Variants in RPS6KC1 observed in about 807,000 individuals in gnomAD.
RPS6KC1 encodes ribosomal protein S6 kinase C1.
RPS6KC1 carries 54 observed loss-of-function variants against 103.8 expected under a neutral mutation model. The ratio of observed to expected loss-of-function variants is 0.52; its 90% CI spans 0.42 to 0.65. The LOEUF is 0.65. Among genes scored for constraint, RPS6KC1 ranks in the 30% least tolerant of loss-of-function variants. The pLI is 0.00. For synonymous variants in RPS6KC1, 439 were observed against 438.7 expected, an observed-to-expected ratio of 1.00 and a Z score of -0.01; for missense variants, 1,151 against 1,253.8, an observed-to-expected ratio of 0.92 and a Z score of 1.24.
At chr1:213,331,402 G>T in the RPS6KC1 span, among the ~76,000 whole-genome samples, 2 of 152,228 alleles carry the variant, frequency 1.3e-5, no homozygotes. Flanking sequence ...AAATAGTATG[G>T]TAAGAGTATT....
the RPS6KC1 span, among the ~76,000 whole-genome samples, chr1:213,555,257 G>A: frequency 6.6e-6 from 1 of 152,166 alleles, no homozygotes; most frequent in Non-Finnish European, 1.5e-5. Flanking sequence ...AACAAACTAG[G>A]GCCCCATTTC....
chr1:213,113,960 T>C (rs2083302331), intron 4 of RPS6KC1, among the ~76,000 whole-genome samples: 1 of 152,194 alleles, frequency 6.6e-6, no homozygotes, highest in African/African-American at 2.4e-5. Context: ...TTGGTTACTG[T>C]AGCCTTGTAG....
intron 1 of RPS6KC1, among the ~76,000 whole-genome samples, chr1:213,064,676 C>CTTTTTTT (rs34472724): frequency 1.9e-5 from 2 of 104,878 alleles, no homozygotes; most frequent in Non-Finnish European, 3.6e-5. Context: ...CCTTTGTGAA[C>CTTTTTTT]TTTTTTTTTT....
chr1:213,505,319 G>T, the RPS6KC1 span, among the ~76,000 whole-genome samples: 1 of 152,100 alleles, frequency 6.6e-6, no homozygotes, highest in Non-Finnish European at 1.5e-5. Context: ...TGAATCTCTG[G>T]CCAAAGGACC....
chr1:213,082,811 G>T (rs770803453), intron 3 of RPS6KC1, among the ~76,000 whole-genome samples: 1 of 152,116 alleles, frequency 6.6e-6, no homozygotes, highest in Admixed American at 6.6e-5. Context: ...CTAAAATTAA[G>T]AAATGACTTC....
At chr1:213,215,945 T>C (rs998127844) in intron 8 of RPS6KC1, among the ~76,000 whole-genome samples, 5 of 152,110 alleles carry the variant, frequency 3.3e-5, no homozygotes, top group African/African-American at 9.7e-5. Flanking sequence ...TGAAGACCAT[T>C]GAGGCTAGGA....
At chr1:213,218,056 T>C (rs1025976705) in intron 8 of RPS6KC1, among the ~76,000 whole-genome samples, 1 of 152,184 alleles carries the variant, frequency 6.6e-6, no homozygotes, top group Non-Finnish European at 1.5e-5. Flanking sequence ...ATAAAGGGTA[T>C]TCAATTAGGA....
chr1:213,410,959 T>C, the RPS6KC1 span, among the ~76,000 whole-genome samples: 2 of 151,752 alleles, frequency 1.3e-5, no homozygotes, highest in Admixed American at 6.6e-5. Flanking sequence ...GGAATGGAGA[T>C]GGTCAAGGGA....
At chr1:213,055,006 T>C (rs977664457) in intron 1 of RPS6KC1, among the ~76,000 whole-genome samples, 3 of 152,242 alleles carry the variant, frequency 2.0e-5, no homozygotes, top group African/African-American at 7.2e-5. Flanking sequence ...CTTGCCTGTA[T>C]TCTTTCCATG....
At chr1:213,458,438 T>C in the RPS6KC1 span, among the ~76,000 whole-genome samples, 774 of 152,306 alleles carry the variant, frequency 5.1e-3, 8 homozygotes, top group African/African-American at 0.017. Context: ...TTTTTGCTAT[T>C]GTGAATAGCA....
the RPS6KC1 span, among the ~76,000 whole-genome samples, chr1:213,626,930 A>G: frequency 7.2e-4 from 110 of 152,304 alleles, no homozygotes; most frequent in African/African-American, 2.5e-3. Context: ...GTTCCATATG[A>G]ACTTTAAAGT....
At chr1:213,528,395 C>T in the RPS6KC1 span, among the ~76,000 whole-genome samples, 1 of 152,016 alleles carries the variant, frequency 6.6e-6, no homozygotes, top group South Asian at 2.1e-4. Context: ...ATTCAATTAA[C>T]TCCCATGGCT....
At chr1:213,506,628 T>C in the RPS6KC1 span, among the ~76,000 whole-genome samples, 1 of 152,184 alleles carries the variant, frequency 6.6e-6, no homozygotes, top group African/African-American at 2.4e-5. Flanking sequence ...CTCTCTGTTT[T>C]TACTCAACCC....
At chr1:213,194,960 T>C (rs185690562) in intron 8 of RPS6KC1, among the ~76,000 whole-genome samples, 5 of 152,214 alleles carry the variant, frequency 3.3e-5, no homozygotes, top group Non-Finnish European at 1.5e-5. Context: ...GACAAAATTA[T>C]GGAAATGGAG....
chr1:213,345,263 C>T, the RPS6KC1 span, among the ~76,000 whole-genome samples: 115 of 152,322 alleles, frequency 7.5e-4, 1 homozygote, highest in Non-Finnish European at 1.5e-3. Flanking sequence ...GTAAAAATGT[C>T]CCAATTACCT....
At chr1:213,214,743 A>G (rs2093613306) in intron 8 of RPS6KC1, among the ~76,000 whole-genome samples, 1 of 152,140 alleles carries the variant, frequency 6.6e-6, no homozygotes. Context: ...TGCAGCCTCC[A>G]CTGCCGATAC....
the RPS6KC1 span, among the ~76,000 whole-genome samples, chr1:213,847,962 C>T: frequency 6.6e-6 from 1 of 151,964 alleles, no homozygotes; most frequent in African/African-American, 2.4e-5. Context: ...CTGTTTCTCT[C>T]ATACACACAC....
At chr1:213,232,787 CTATT>C (rs2094134346) in intron 10 of RPS6KC1, among the ~76,000 whole-genome samples, 1 of 152,144 alleles carries the variant, frequency 6.6e-6, no homozygotes. Context: ...TGCCTTCAAA[CTATT>C]TATGAAATTT....
At chr1:213,208,272 ATAC>A (rs1199837402) in intron 8 of RPS6KC1, among the ~76,000 whole-genome samples, 3 of 152,178 alleles carry the variant, frequency 2.0e-5, no homozygotes, top group African/African-American at 7.2e-5. Context: ...CTCTCTTGGC[ATAC>A]TACCTAGCTC....
Sources: gnomAD v4.1 joint callset for allele counts (sites outside exome capture counted in the v4.1 genomes callset) on GRCh38, gnomAD v4.1.1 for gene constraint, MANE v1.5 for transcripts, NCBI Gene and HGNC (gene_info 2026-07-23, HGNC 2026-07-21) for gene names.